CPNE7: variants seen among roughly 807,000 people sequenced by gnomAD.
CPNE7 encodes the protein copine-7.
A neutral mutation model predicts 66.5 loss-of-function variants in CPNE7; 78 were observed. The observed-to-expected ratio is 1.17, with a 90% CI of 0.98 to 1.42. The LOEUF is 1.42. CPNE7 is among the 40% of genes most tolerant of loss of function. The probability of loss-of-function intolerance (pLI) is 0.00; values close to 1 mark genes in which losing one functional copy is unlikely to be tolerated. For synonymous variants in CPNE7, 468 were observed against 336.7 expected (o/e 1.39, Z -4.27); for missense variants, 1,012 against 776.6 (o/e 1.30, Z -3.60).
At chr16:89,591,357 C>G in intron 13 of CPNE7, 97 bp downstream of exon 13, 1 of 1,433,242 alleles carries the variant, frequency 7.0e-7, no homozygotes, top group Non-Finnish European at 9.2e-7. Flanking sequence ...GAGGGAACAG[C>G]CAGCGCAGAG....
rs775619695 is a variant in CPNE7, at chr16:89,596,633, G to A, written c.*12G>A. 6 of 1,588,346 alleles carry A rather than the reference G, an allele frequency of 3.8e-6. No individual in the cohort carries two copies. Among genetic ancestry groups the A allele is most frequent in the African/African-American group, 1.3e-5 (1 of 74,288 alleles). ...GCTGCACACCGTGAAGATGTGGAGGGCGTAGGGTGGGGGCAGTGAGGAATG... is the reference window on the plus strand; with the variant it reads ...GCTGCACACCGTGAAGATGTGGAGGACGTAGGGTGGGGGCAGTGAGGAATG... On this transcript the variant is annotated 3_prime_UTR_variant, in exon 15 of 15. Transcript: ENST00000319518.
chr16:89,584,629 TCGG>T lies in CPNE7; in HGVS notation c.508-141_508-139del. 1 of 657,152 alleles carries T rather than the reference TCGG, an allele frequency of 1.5e-6. No individual in the cohort carries two copies. The highest frequency in any genetic ancestry group is 2.8e-5 in the East Asian group (1 of 36,314). The allele number at this position is 657,152 out of a possible 1,614,324, so 40.7% of individuals were successfully genotyped here. The stretch of plus-strand genomic sequence containing the variant: ...GGCGGGAGGGAGGGACGAGATGCTG[TCGG>T]CGGGGACTGGCTGCCTCGTTTTGTG... On this transcript the variant is annotated intron_variant, in intron 4 of 14. Transcript: ENST00000319518. The surrounding 1 kb of genome is among the most constrained non-coding windows in gnomAD (Gnocchi z 6.0).
chr16:89,579,283 T>C (rs1038804346), intron 2 of CPNE7, among the ~76,000 whole-genome samples: 17 of 150,920 alleles, frequency 1.1e-4, no homozygotes, highest in Non-Finnish European at 2.5e-4. Context: ...CAGTGAGTCT[T>C]TGTCTCAAAA....
chr16:89,585,820 G>A, intron 7 of CPNE7, 35 bp downstream of exon 7: 4 of 920,090 alleles, frequency 4.3e-6, no homozygotes, highest in Non-Finnish European at 4.7e-6. Flanking sequence ...CTCCAGGGAG[G>A]GTCAGGTGGG....
chr16:89,578,226 G>A (rs897789484), intron 2 of CPNE7, among the ~76,000 whole-genome samples: 8 of 151,554 alleles, frequency 5.3e-5, no homozygotes, highest in African/African-American at 1.7e-4. Flanking sequence ...CACCACGCCC[G>A]GCTAATTTTT....
rs900436236 is a variant in CPNE7 at position 89,584,946 on chromosome 16, C to T, written c.591+89C>T. On this transcript the variant is annotated intron_variant, in intron 5 of 14. Coordinates refer to ENST00000319518, the MANE Select transcript of CPNE7 (RefSeq NM_153636.3). This position sits in a 1 kb window ranked among gnomAD's most constrained non-coding sequence, Gnocchi z 6.0. ...TGGCCACATGGGAGGAGCTCCCAGC[C>T]TCCAACAGGGAGCTGTGGGCGCAGG... is the stretch of plus-strand genomic sequence containing the variant. 6.3e-5 allele frequency: 73 copies of T among 1,166,774 alleles called. No homozygotes were observed. Among genetic ancestry groups the T allele is most frequent in the Non-Finnish European group, 8.8e-5 (70 of 792,602 alleles). The allele number at this position is 1,166,774 out of a possible 1,614,324, so 72.3% of individuals were successfully genotyped here.
rs757674138 is a variant in CPNE7, at chr16:89,586,666, C to T, written c.781-4C>T. On this transcript the variant is annotated splice_region_variant and splice_polypyrimidine_tract_variant and intron_variant, in intron 7 of 14. Coordinates refer to ENST00000319518, the MANE Select transcript of CPNE7 (RefSeq NM_153636.3). ...TGGGGGGCCTCTGCTTGTTCCTGCC[C>T]CAGGCCCAGTGGGACTGTGTGAACC... is the stretch of plus-strand genomic sequence containing the variant. The T allele has an allele frequency of 1.9e-6, 3 of 1,612,182 alleles. No homozygotes were observed. The highest frequency in any genetic ancestry group is 2.5e-6 in the Non-Finnish European group (3 of 1,179,000).
At position 89,591,225 on chromosome 16, in the gene CPNE7, G is replaced by A. The variant is rs778331677; in HGVS notation, c.1267G>A (p.Val423Met). The change falls in exon 13 of 15, where the codon GTG (valine) becomes ATG (methionine). Residue 423 changes from valine to methionine, a missense_variant. Physicochemically the swap from Val to Met is conservative, Grantham distance 21. Coordinates refer to ENST00000319518, the MANE Select transcript of CPNE7 (RefSeq NM_153636.3). ...GCCCATCATCTCCAAGGTGGCACGC[G>A]TGGCGGCGGCCGAGGAGAGCACCGG... ...VAPIISKVAR[V>M]AAAEESTGKA... is the part of the protein sequence containing the mutation. The A allele has an allele frequency of 1.7e-5, 27 of 1,588,942 alleles. No homozygotes were observed. The highest frequency in any genetic ancestry group is 1.7e-4 in the Middle Eastern group (1 of 6,018).
At chr16:89,577,506 T>C in intron 1 of CPNE7, 33 bp from the exon 2 acceptor site, 1 of 1,548,336 alleles carries the variant, frequency 6.5e-7, no homozygotes, top group Non-Finnish European at 8.7e-7. Context: ...TGGAAGCCTC[T>C]GGAGTGGGGT....
intron 1 of CPNE7, among the ~76,000 whole-genome samples, chr16:89,576,864 C>T (rs1485344265): frequency 6.6e-6 from 1 of 152,146 alleles, no homozygotes; most frequent in Non-Finnish European, 1.5e-5. Context: ...GGGCCTGCCC[C>T]GCCCTCACCG....
At chr16:89,596,281 TG>T (rs997248218) in intron 14 of CPNE7, among the ~76,000 whole-genome samples, 1 of 152,148 alleles carries the variant, frequency 6.6e-6, no homozygotes, top group Non-Finnish European at 1.5e-5. Context: ...TCTCCGTGCT[TG>T]GGGGGCTGGA....
chr16:89,577,589 G>A lies in CPNE7; in HGVS notation c.225G>A (p.Lys75=), dbSNP rs35701751. Residue 75 remains lysine (K), a synonymous_variant, in exon 2 of 15, where the codon AAG becomes AAA. Transcript: ENST00000319518. ...GCAGCCTGCATCCCGTGTTCTCCAA[G>A]GTCTTCACGGTGGACTACTACTTCG... ...VRSSLHPVFS[K]VFTVDYYFEE... The A allele has an allele frequency of 6.0e-4, 934 of 1,554,766 alleles. 3 individuals carry two copies. The African/African-American group carries it at 0.011, about 19-fold the overall frequency.
intron 2 of CPNE7, chr16:89,583,459 C>A: frequency 1.3e-6 from 2 of 1,550,618 alleles, no homozygotes; most frequent in Non-Finnish European, 8.7e-7. Context: ...ATGACCTCTG[C>A]CTCCCCTGGG....
At position 89,585,805 on chromosome 16, in the gene CPNE7, GGGTCCTCCAGGGA is replaced by G. The variant is rs2059027285; in HGVS notation, c.780+23_780+35del. 1.5e-5 allele frequency: 21 copies of G among 1,385,862 alleles called. No homozygotes were observed. Among genetic ancestry groups the G allele is most frequent in the Non-Finnish European group, 1.6e-5 (16 of 1,025,942 alleles). 85.8% of individuals were successfully genotyped at this position (1,385,862 alleles called of 1,614,324 possible). A position where few individuals can be genotyped will look rare whatever the true frequency, so the allele number is the denominator to read the frequency against. On this transcript the variant is annotated intron_variant, in intron 7 of 14. Transcript: ENST00000319518. ...GGGCAGGTGAGCAGGACGGGGTAGG[GGGTCCTCCAGGGA>G]GGGTCAGGTGGGGGTGGAGGGGGGC... is the stretch of plus-strand genomic sequence containing the variant.
intron 13 of CPNE7, chr16:89,594,222 G>A (rs1358544796): frequency 1.3e-5 from 2 of 151,900 alleles, no homozygotes; most frequent in Admixed American, 1.3e-4. Context: ...ATCTGGGGTT[G>A]GGAGGGGGTG....
At chr16:89,590,751 G>T (rs1341939630) in intron 11 of CPNE7, among the ~76,000 whole-genome samples, 1 of 99,468 alleles carries the variant, frequency 1.0e-5, no homozygotes, top group African/African-American at 3.8e-5. Flanking sequence ...GGGCCAGGTC[G>T]GGGGAGCAGC....
chr16:89,584,965 G>A lies in CPNE7; in HGVS notation c.591+108G>A. On this transcript the variant is annotated intron_variant, in intron 5 of 14. Coordinates refer to ENST00000319518, the MANE Select transcript of CPNE7 (RefSeq NM_153636.3). The surrounding 1 kb of genome is among the most constrained non-coding windows in gnomAD (Gnocchi z 6.0). ...CCCAGCCTCCAACAGGGAGCTGTGG[G>A]CGCAGGGCTTTGGTGGCTGTGGCTA... 2 of 1,016,088 alleles carry A rather than the reference G, an allele frequency of 2.0e-6. No homozygotes were observed. Among genetic ancestry groups the A allele is most frequent in the South Asian group, 2.7e-5 (2 of 73,030 alleles). The allele number at this position is 1,016,088 out of a possible 1,614,324, so 62.9% of individuals were successfully genotyped here. A position where few individuals can be genotyped will look rare whatever the true frequency, so the allele number is the denominator to read the frequency against.
chr16:89,578,675 G>T (rs145683595), intron 2 of CPNE7, among the ~76,000 whole-genome samples: 1 of 149,788 alleles, frequency 6.7e-6, no homozygotes. Context: ...CAGGAGAATC[G>T]GTTGAACCCG....
At chr16:89,576,293 G>C (rs1435507835) in intron 1 of CPNE7, among the ~76,000 whole-genome samples, 1 of 152,078 alleles carries the variant, frequency 6.6e-6, no homozygotes, top group Non-Finnish European at 1.5e-5. Flanking sequence ...GCGGCGAGCG[G>C]GGTTCGGAGG....
Sources: allele counts gnomAD v4.1 joint callset (sites outside exome capture counted in the v4.1 genomes callset), GRCh38; gene constraint gnomAD v4.1.1; non-coding constraint Gnocchi (gnomAD v3.1); transcripts MANE v1.5; gene names NCBI Gene and HGNC (gene_info 2026-07-23, HGNC 2026-07-21).